The following ATRNL1 variants were observed in gnomAD, a reference collection of about 807,000 sequenced individuals.
The protein encoded by ATRNL1 is attractin-like protein 1.
A neutral mutation model predicts 182.7 loss-of-function variants in ATRNL1; 95 were observed. The ratio of observed to expected loss-of-function variants is 0.52; its 90% CI spans 0.44 to 0.62. ATRNL1 has a LOEUF of 0.62. ATRNL1 is among the 20% of genes least tolerant of loss of function. The pLI, the probability that ATRNL1 is intolerant of heterozygous loss-of-function variation, is 0.00. For missense variants in ATRNL1, 1,471 were observed against 1,679.5 expected (o/e 0.88, Z 2.17); for synonymous variants, 576 against 568.3 (o/e 1.01, Z -0.19).
At chr10:115,754,166 C>G (rs1948524186) in intron 27 of ATRNL1, among the ~76,000 whole-genome samples, 1 of 152,164 alleles carries the variant, frequency 6.6e-6, no homozygotes, top group Non-Finnish European at 1.5e-5. Context: ...TGCAGAAGCT[C>G]TTTAGTATAA....
At chr10:115,457,354 A>G (rs188816836) in intron 21 of ATRNL1, among the ~76,000 whole-genome samples, 21 of 152,130 alleles carry the variant, frequency 1.4e-4, no homozygotes, top group Admixed American at 1.2e-3. Flanking sequence ...ACCAGGAACC[A>G]ATCGAGAGAG....
intron 26 of ATRNL1, among the ~76,000 whole-genome samples, chr10:115,574,354 GTATA>G (rs36117647): frequency 1.3e-5 from 2 of 149,862 alleles, no homozygotes; most frequent in African/African-American, 2.5e-5. Flanking sequence ...ATATATAAAT[GTATA>G]TATATATACA....
intron 5 of ATRNL1, among the ~76,000 whole-genome samples, chr10:115,138,345 T>G (rs1845610278): frequency 6.6e-6 from 1 of 152,202 alleles, no homozygotes; most frequent in African/African-American, 2.4e-5. Context: ...AGGGACTCTG[T>G]GTGGGGGTCC....
At chr10:115,372,560 G>A (rs1162230208) in intron 19 of ATRNL1, among the ~76,000 whole-genome samples, 1 of 152,146 alleles carries the variant, frequency 6.6e-6, no homozygotes, top group Non-Finnish European at 1.5e-5. Context: ...TATGGTATAA[G>A]ATAAAATTTC....
intron 28 of ATRNL1, among the ~76,000 whole-genome samples, chr10:115,919,737 A>G (rs1555118214): frequency 2.6e-5 from 4 of 152,114 alleles, no homozygotes. Flanking sequence ...TTTATTTCTC[A>G]CAATTCTGGA....
intron 19 of ATRNL1, among the ~76,000 whole-genome samples, chr10:115,381,240 G>C (rs1857979741): frequency 6.6e-6 from 1 of 151,618 alleles, no homozygotes; most frequent in South Asian, 2.1e-4. Context: ...TTTTAGTTGG[G>C]TATTTATCTT....
chr10:115,624,331 T>G lies in ATRNL1; in HGVS notation c.3795+74795T>G, dbSNP rs557865531. Among the ~76,000 whole-genome samples the G allele has an allele frequency of 1.6e-4, 25 of 152,228 alleles. No homozygotes were observed. The South Asian group carries it at 4.6e-3, about 28-fold the overall frequency. ...ATGTTTTCTAAAGATAGAAAAATAT[T>G]AAACAGTATTTTATTAAAGTCCTCT... On this transcript the variant is annotated intron_variant, in intron 26 of 28. Transcript: ENST00000355044.
At chr10:115,236,023 CTA>C (rs1564841330) in intron 9 of ATRNL1, among the ~76,000 whole-genome samples, 2 of 152,064 alleles carry the variant, frequency 1.3e-5, no homozygotes, top group South Asian at 4.2e-4. Flanking sequence ...TAATCAATTG[CTA>C]TTCTTTATTC....
chr10:115,573,257 G>A (rs1397971260), intron 26 of ATRNL1, among the ~76,000 whole-genome samples: 4 of 152,140 alleles, frequency 2.6e-5, no homozygotes, highest in African/African-American at 7.2e-5. Flanking sequence ...TTCGTCTGGA[G>A]TTGGGCCACC....
chr10:115,398,643 G>A (rs547692380), intron 20 of ATRNL1, among the ~76,000 whole-genome samples: 1 of 152,150 alleles, frequency 6.6e-6, no homozygotes, highest in African/African-American at 2.4e-5. Context: ...GGATCATGTT[G>A]TCTGCAAGCA....
chr10:115,614,073 T>G (rs1857307632), intron 26 of ATRNL1, among the ~76,000 whole-genome samples: 1 of 152,002 alleles, frequency 6.6e-6, no homozygotes, highest in African/African-American at 2.4e-5. Flanking sequence ...AATTTTCTGT[T>G]TGGTTTCTTC....
chr10:115,517,051 G>A (rs1850675918), intron 24 of ATRNL1, among the ~76,000 whole-genome samples: 1 of 151,842 alleles, frequency 6.6e-6, no homozygotes, highest in Non-Finnish European at 1.5e-5. Context: ...AACAGAGCTT[G>A]TTTAGTGACT....
At chr10:115,550,724 A>G (rs1852934353) in intron 26 of ATRNL1, among the ~76,000 whole-genome samples, 1 of 151,876 alleles carries the variant, frequency 6.6e-6, no homozygotes. Context: ...CTGCAGAGGT[A>G]AACAATCTTC....
intron 21 of ATRNL1, among the ~76,000 whole-genome samples, chr10:115,430,259 T>G (rs1433192363): frequency 6.6e-6 from 1 of 152,132 alleles, no homozygotes; most frequent in Non-Finnish European, 1.5e-5. Context: ...TTTTATTTTT[T>G]TATTTTTTGC....
intron 28 of ATRNL1, among the ~76,000 whole-genome samples, chr10:115,943,942 AC>A (rs1466003001): frequency 6.6e-6 from 1 of 152,170 alleles, no homozygotes; most frequent in East Asian, 1.9e-4. Context: ...CTGAAAGGCT[AC>A]GTACTGTGTG....
At chr10:115,622,590 C>A (rs530407337) in intron 26 of ATRNL1, among the ~76,000 whole-genome samples, 1 of 152,216 alleles carries the variant, frequency 6.6e-6, no homozygotes, top group African/African-American at 2.4e-5. Flanking sequence ...CAAGCAAATT[C>A]TAAGCAAAAC....
chr10:115,293,766 C>T (rs1853039638), intron 15 of ATRNL1, among the ~76,000 whole-genome samples: 1 of 152,130 alleles, frequency 6.6e-6, no homozygotes, highest in South Asian at 2.1e-4. Context: ...GTTTTCTTCT[C>T]AATAGTTTGA....
intron 27 of ATRNL1, among the ~76,000 whole-genome samples, chr10:115,807,234 G>A (rs1350373472): frequency 6.6e-6 from 1 of 151,834 alleles, no homozygotes; most frequent in Non-Finnish European, 1.5e-5. Context: ...TCATACCTCA[G>A]CCTCCCGAGT....
At chr10:115,538,308 C>T (rs564421195) in intron 25 of ATRNL1, among the ~76,000 whole-genome samples, 58 of 152,296 alleles carry the variant, frequency 3.8e-4, no homozygotes, top group South Asian at 2.1e-3. Flanking sequence ...TTCTGTGCTG[C>T]GACCAGCAAA....
Sources: gnomAD v4.1 joint callset for allele counts (sites outside exome capture counted in the v4.1 genomes callset) on GRCh38, gnomAD v4.1.1 for gene constraint, MANE v1.5 for transcripts, NCBI Gene and HGNC (gene_info 2026-07-23, HGNC 2026-07-21) for gene names.